The following HTR2C variants were observed in gnomAD, a reference collection of about 807,000 sequenced individuals.
HTR2C encodes the protein 5-hydroxytryptamine receptor 2C.
A neutral mutation model predicts 21.0 loss-of-function variants in HTR2C; 5 were observed. That is an observed-to-expected ratio of 0.24 (90% CI 0.12 to 0.50). The LOEUF (loss-of-function observed/expected upper bound fraction) is 0.50. Ranked by LOEUF, HTR2C falls within the 20% of genes least tolerant of loss-of-function variation. The pLI, the probability that HTR2C is intolerant of heterozygous loss-of-function variation, is 0.98. For missense variants in HTR2C, 271 were observed against 371.2 expected, an observed-to-expected ratio of 0.73 and a Z score of 2.22; for synonymous variants, 150 against 145.3, an observed-to-expected ratio of 1.03 and a Z score of -0.23.
intron 2 of HTR2C, among the ~76,000 whole-genome samples, chrX:114,704,713 C>G (rs12392381): frequency 0.012 from 1,305 of 111,020 alleles, 14 homozygotes; most frequent in African/African-American, 0.04. Flanking sequence ...GCCAGGCAAT[C>G]AGGCAGGAGA....
chrX:114,659,527 A>AG (rs1930909201), intron 2 of HTR2C, among the ~76,000 whole-genome samples: 1 of 111,246 alleles, frequency 9.0e-6, no homozygotes, highest in South Asian at 3.8e-4. Context: ...ATACAAAATA[A>AG]TTGGCCAGTA....
chrX:114,816,266 T>TA (rs112900369), intron 4 of HTR2C, among the ~76,000 whole-genome samples: 7 of 102,910 alleles, frequency 6.8e-5, no homozygotes, highest in East Asian at 3.1e-4. Flanking sequence ...GATAGATAGA[T>TA]GATAGATAGA....
chrX:114,612,628 C>T (rs1263281699), intron 1 of HTR2C, among the ~76,000 whole-genome samples: 1 of 112,243 alleles, frequency 8.9e-6, no homozygotes, highest in East Asian at 2.8e-4. Context: ...ACTATTTACT[C>T]TTGCTCTGTA....
intron 4 of HTR2C, among the ~76,000 whole-genome samples, chrX:114,758,340 C>T (rs1331458680): frequency 9.1e-6 from 1 of 110,183 alleles, no homozygotes; most frequent in Non-Finnish European, 1.9e-5. Flanking sequence ...GACAGGAGAA[C>T]CATTTGAGAC....
At chrX:114,603,859 G>C (rs1353811036) in intron 1 of HTR2C, among the ~76,000 whole-genome samples, 1 of 101,965 alleles carries the variant, frequency 9.8e-6, no homozygotes, top group Non-Finnish European at 2.0e-5. Flanking sequence ...GCACCAAGGG[G>C]TGGATAGGCA....
At chrX:114,595,314 C>G in intron 1 of HTR2C, among the ~76,000 whole-genome samples, 1 of 110,621 alleles carries the variant, frequency 9.0e-6, no homozygotes, top group East Asian at 2.8e-4. Flanking sequence ...AACTCCTGGG[C>G]TCAAGCGATT....
At chrX:114,815,097 C>T (rs1556454061) in intron 4 of HTR2C, among the ~76,000 whole-genome samples, 1 of 107,878 alleles carries the variant, frequency 9.3e-6, no homozygotes, top group African/African-American at 3.3e-5. Context: ...TAATTTTACT[C>T]ATCCTCAACA....
intron 4 of HTR2C, among the ~76,000 whole-genome samples, chrX:114,810,475 AG>A (rs1204953869): frequency 3.7e-5 from 4 of 108,721 alleles, no homozygotes; most frequent in African/African-American, 1.3e-4. Flanking sequence ...GCCTCTAGCT[AG>A]GGCTCATCTA....
chrX:114,591,027 A>G (rs1459382000), intron 1 of HTR2C, among the ~76,000 whole-genome samples: 7 of 112,037 alleles, frequency 6.2e-5, no homozygotes, highest in Non-Finnish European at 9.4e-5. Context: ...ATACTGTTAA[A>G]GGAAATCAGA....
At chrX:114,606,487 G>A (rs1004959718) in intron 1 of HTR2C, among the ~76,000 whole-genome samples, 5 of 111,464 alleles carry the variant, frequency 4.5e-5, no homozygotes, top group African/African-American at 1.3e-4. Flanking sequence ...GACCGGCGCC[G>A]GAGTTTTGGG....
intron 2 of HTR2C, among the ~76,000 whole-genome samples, chrX:114,623,857 T>C (rs945835504): frequency 9.1e-6 from 1 of 109,632 alleles, no homozygotes; most frequent in Non-Finnish European, 1.9e-5. Flanking sequence ...ATTGAAATAG[T>C]CTAAACCATT....
intron 2 of HTR2C, among the ~76,000 whole-genome samples, chrX:114,672,454 G>A (rs1262976831): frequency 9.0e-6 from 1 of 111,565 alleles, no homozygotes; most frequent in Non-Finnish European, 1.9e-5. Context: ...ATCACTCCTG[G>A]ATTAAATAAA....
intron 2 of HTR2C, among the ~76,000 whole-genome samples, chrX:114,647,191 T>C (rs1930394848): frequency 9.0e-6 from 1 of 111,233 alleles, no homozygotes; most frequent in Non-Finnish European, 1.9e-5. Context: ...TAGTTAATAA[T>C]AATGTAATGT....
chrX:114,771,147 C>T (rs139060093), intron 4 of HTR2C, among the ~76,000 whole-genome samples: 1,282 of 110,968 alleles, frequency 0.012, 19 homozygotes, highest in African/African-American at 0.04. Flanking sequence ...TGTTGAAACT[C>T]GGACATTTTA....
At chrX:114,834,639 T>C (rs1556462819) in intron 4 of HTR2C, among the ~76,000 whole-genome samples, 2 of 103,068 alleles carry the variant, frequency 1.9e-5, no homozygotes, top group Non-Finnish European at 4.0e-5. Context: ...AGCACACTGA[T>C]GGGTCTTGAC....
chrX:114,678,270 GACACACACACACACACAC>G (rs200416814), intron 2 of HTR2C, among the ~76,000 whole-genome samples: 3 of 100,196 alleles, frequency 3.0e-5, no homozygotes, highest in Non-Finnish European at 6.0e-5. Context: ...CTCTCTGTCT[GACACACACACACACACAC>G]ACACACACAC....
intron 1 of HTR2C, chrX:114,589,813 T>C (rs781816112): frequency 4.8e-5 from 15 of 310,389 alleles, no homozygotes; most frequent in South Asian, 1.1e-4. Flanking sequence ...CAAAGAATAT[T>C]GTGCTAAGGC....
At chrX:114,884,504 G>C (rs1454936402) in intron 5 of HTR2C, among the ~76,000 whole-genome samples, 1 of 110,943 alleles carries the variant, frequency 9.0e-6, no homozygotes, top group Non-Finnish European at 1.9e-5. Context: ...GATCTAAATA[G>C]ACATTTCTCA....
chrX:114,786,269 T>C (rs1248632307), intron 4 of HTR2C, among the ~76,000 whole-genome samples: 1 of 111,914 alleles, frequency 8.9e-6, no homozygotes, highest in Non-Finnish European at 1.9e-5. Context: ...TTTAGCATTA[T>C]ATAGCAGTAG....
Sources: allele counts gnomAD v4.1 joint callset (sites outside exome capture counted in the v4.1 genomes callset), GRCh38; gene constraint gnomAD v4.1.1; transcripts MANE v1.5; gene names NCBI Gene and HGNC (gene_info 2026-07-23, HGNC 2026-07-21).